RBFOX1: variants seen among roughly 807,000 people sequenced by gnomAD.
RBFOX1 encodes RNA binding fox-1 homolog 1, also known as RNA binding protein fox-1 homolog 1.
Under a neutral mutation model 57.7 loss-of-function variants are expected in RBFOX1, and 8 were observed. The observed-to-expected ratio is 0.14, with a 90% CI of 0.08 to 0.25. RBFOX1 has a LOEUF of 0.25. Ranked by LOEUF, RBFOX1 falls within the 10% of genes least tolerant of loss-of-function variation. The pLI, the probability that RBFOX1 is intolerant of heterozygous loss-of-function variation, is 1.00. For synonymous variants in RBFOX1, 326 were observed against 222.4 expected, an observed-to-expected ratio of 1.47 and a Z score of -4.15; for missense variants, 611 against 548.5, an observed-to-expected ratio of 1.11 and a Z score of -1.14.
chr16:6,958,441 G>T (rs1348295291), intron 3 of RBFOX1, among the ~76,000 whole-genome samples: 1 of 152,104 alleles, frequency 6.6e-6, no homozygotes, highest in East Asian at 1.9e-4. Flanking sequence ...CATTGGGCAA[G>T]GACCTTCTCG....
chr16:5,834,233 ATTG>A (rs1245409016), intron 3 of RBFOX1, among the ~76,000 whole-genome samples: 3 of 152,186 alleles, frequency 2.0e-5, no homozygotes, highest in African/African-American at 7.2e-5. Flanking sequence ...AATAGTGTAT[ATTG>A]TACCCAGTAG....
At chr16:6,257,286 C>G (rs1182105240) in intron 1 of RBFOX1, among the ~76,000 whole-genome samples, 2 of 151,996 alleles carry the variant, frequency 1.3e-5, no homozygotes, top group Non-Finnish European at 2.9e-5. Context: ...TTTTATTTTT[C>G]TGAATCTATT....
At chr16:6,112,474 T>C (rs2096457027) in intron 1 of RBFOX1, among the ~76,000 whole-genome samples, 1 of 152,174 alleles carries the variant, frequency 6.6e-6, no homozygotes, top group Admixed American at 6.5e-5. Context: ...GCGGATCACC[T>C]GAGGTTGGGA....
At chr16:5,705,768 A>C (rs1018218372) in intron 3 of RBFOX1, among the ~76,000 whole-genome samples, 1 of 152,186 alleles carries the variant, frequency 6.6e-6, no homozygotes, top group Admixed American at 6.5e-5. Context: ...TCACTCTGTC[A>C]TTCTCCTGGG....
At chr16:5,335,513 A>T (rs941840311) in intron 1 of RBFOX1, among the ~76,000 whole-genome samples, 7 of 152,290 alleles carry the variant, frequency 4.6e-5, no homozygotes, top group African/African-American at 1.7e-4. Flanking sequence ...AAAGGTATTA[A>T]TGTCGGTTTT....
chr16:6,669,901 G>A (rs542191420), intron 3 of RBFOX1, among the ~76,000 whole-genome samples: 4 of 152,236 alleles, frequency 2.6e-5, no homozygotes, highest in African/African-American at 9.6e-5. Flanking sequence ...CTAAGTAACC[G>A]ACCCATGGTA....
At chr16:6,542,492 T>TG (rs1052963115) in intron 2 of RBFOX1, among the ~76,000 whole-genome samples, 16 of 124,556 alleles carry the variant, frequency 1.3e-4, no homozygotes, top group African/African-American at 4.9e-4. Flanking sequence ...TCTTTTTTTT[T>TG]TTTTTTTTTT....
At chr16:6,360,503 T>C (rs930673067) in intron 2 of RBFOX1, among the ~76,000 whole-genome samples, 3 of 152,218 alleles carry the variant, frequency 2.0e-5, no homozygotes, top group South Asian at 2.1e-4. Flanking sequence ...GTTTTTATTA[T>C]AGTTGACATT....
At chr16:6,712,647 G>A (rs1208734155) in intron 3 of RBFOX1, among the ~76,000 whole-genome samples, 2 of 152,086 alleles carry the variant, frequency 1.3e-5, no homozygotes, top group Non-Finnish European at 2.9e-5. Context: ...GTCCTATCAT[G>A]GCGTAGGCAC....
intron 4 of RBFOX1, among the ~76,000 whole-genome samples, chr16:7,165,127 G>A (rs118155324): frequency 1.2e-4 from 19 of 152,060 alleles, no homozygotes; most frequent in African/African-American, 3.1e-4. Flanking sequence ...ATCCATTTTC[G>A]CAGGTATCTG....
intron 4 of RBFOX1, among the ~76,000 whole-genome samples, chr16:7,263,418 G>T (rs2094999951): frequency 6.6e-6 from 1 of 152,088 alleles, no homozygotes; most frequent in African/African-American, 2.4e-5. Context: ...TGGGTAGCAG[G>T]GCTCCTTGGA....
intron 2 of RBFOX1, among the ~76,000 whole-genome samples, chr16:6,526,486 G>C (rs974379789): frequency 1.3e-5 from 2 of 152,066 alleles, no homozygotes; most frequent in African/African-American, 4.8e-5. Flanking sequence ...TTGTCTATTA[G>C]GTCTGAGGCT....
At chr16:6,733,687 G>C (rs1267949061) in intron 3 of RBFOX1, among the ~76,000 whole-genome samples, 1 of 152,110 alleles carries the variant, frequency 6.6e-6, no homozygotes, top group Admixed American at 6.5e-5. Context: ...GAGCCCAGAA[G>C]GTTGAGGCTG....
At chr16:5,780,603 T>G (rs1409547937) in intron 3 of RBFOX1, among the ~76,000 whole-genome samples, 2 of 152,302 alleles carry the variant, frequency 1.3e-5, no homozygotes, top group Non-Finnish European at 2.9e-5. Flanking sequence ...CAATGTTGAA[T>G]TTCCTGGGGA....
chr16:6,970,925 C>T (rs1299432739), intron 3 of RBFOX1, among the ~76,000 whole-genome samples: 1 of 152,182 alleles, frequency 6.6e-6, no homozygotes. Context: ...TTCCATTTGT[C>T]TGAAACACAT....
chr16:6,656,255 C>T (rs1250572927), intron 3 of RBFOX1, among the ~76,000 whole-genome samples: 1 of 152,150 alleles, frequency 6.6e-6, no homozygotes, highest in African/African-American at 2.4e-5. Context: ...AGGTCATTGG[C>T]ATTTCTCTTG....
chr16:6,215,008 G>C (rs1177182863), intron 1 of RBFOX1, among the ~76,000 whole-genome samples: 1 of 137,230 alleles, frequency 7.3e-6, no homozygotes, highest in Non-Finnish European at 1.6e-5. Flanking sequence ...GGGAAAGAGG[G>C]AGAAGGGGAG....
chr16:6,078,490 G>A (rs1468380178), intron 1 of RBFOX1, among the ~76,000 whole-genome samples: 1 of 152,032 alleles, frequency 6.6e-6, no homozygotes, highest in African/African-American at 2.4e-5. Flanking sequence ...TTCCGCCGTG[G>A]CTCAGGGAAG....
At chr16:5,820,792 G>C (rs2055821440) in intron 3 of RBFOX1, among the ~76,000 whole-genome samples, 1 of 152,264 alleles carries the variant, frequency 6.6e-6, no homozygotes, top group South Asian at 2.1e-4. Flanking sequence ...CGATCAGACA[G>C]TTAGACAAGC....
Sources: allele counts gnomAD v4.1 joint callset (sites outside exome capture counted in the v4.1 genomes callset), GRCh38; gene constraint gnomAD v4.1.1; transcripts MANE v1.5; gene names NCBI Gene and HGNC (gene_info 2026-07-23, HGNC 2026-07-21).